The following SCML2 variants were observed in gnomAD, a reference collection of about 807,000 sequenced individuals.
SCML2 encodes Scm polycomb group protein like 2.
In SCML2, 6 loss-of-function variants were observed where a neutral mutation model predicts 48.4. That is an observed-to-expected ratio of 0.12 (90% CI 0.07 to 0.24). The LOEUF (loss-of-function observed/expected upper bound fraction) is 0.24, where lower values mean the gene tolerates loss of function less well. SCML2 is among the 10% of genes least tolerant of loss of function. The pLI is 1.00. For missense variants in SCML2, 377 were observed against 528.2 expected, an observed-to-expected ratio of 0.71 and a Z score of 2.81; for synonymous variants, 181 against 189.5, an observed-to-expected ratio of 0.95 and a Z score of 0.37.
At position 18,241,312 on chromosome X, in the gene SCML2, A is replaced by G; in HGVS notation, c.2042T>C (p.Leu681Pro). 1 of 1,201,571 alleles carries G rather than the reference A, an allele frequency of 8.3e-7. No individual in the cohort carries two copies. Among genetic ancestry groups the G allele is most frequent in the Non-Finnish European group, 1.1e-6 (1 of 888,639 alleles). ...GTAACACAGCTTTAATGCTGGCCCCAGCTTCAGCCCCATATACTTCATCAT... is the reference window on the plus strand; with the variant it reads ...GTAACACAGCTTTAATGCTGGCCCCGGCTTCAGCCCCATATACTTCATCAT... Reference protein sequence around the residue: ...DVMMKYMGLKLGPALKLCYYI... With the variant: ...DVMMKYMGLKPGPALKLCYYI... Residue 681 changes from leucine to proline, a missense_variant, in exon 15 of 15, where the codon CTG becomes CCG. Leu to Pro is a moderately conservative substitution (Grantham distance 98). Around this residue, in one of 3 missense-constraint regions of SCML2, gnomAD observed 299 missense variants for 425.5 expected, o/e 0.70. Coordinates refer to ENST00000251900, the MANE Select transcript of SCML2 (RefSeq NM_006089.3).
chrX:18,261,154 TGTTAAAGAAACA>T (rs1927049262), intron 8 of SCML2, among the ~76,000 whole-genome samples: 1 of 109,028 alleles, frequency 9.2e-6, no homozygotes, highest in Non-Finnish European at 1.9e-5. Context: ...TCTTTATCAA[TGTTAAAGAAACA>T]AAAAATGTGA....
chrX:18,261,550 T>C (rs1433153350), intron 8 of SCML2, among the ~76,000 whole-genome samples: 1 of 109,919 alleles, frequency 9.1e-6, no homozygotes, highest in Non-Finnish European at 1.9e-5. Context: ...ATACAAGTAT[T>C]ATGTATTCAT....
intron 1 of SCML2, chrX:18,341,443 C>T (rs1602150237): frequency 5.3e-6 from 1 of 187,346 alleles, no homozygotes; most frequent in Non-Finnish European, 1.0e-5. Context: ...CAAACTGTGA[C>T]GTGAACCTGG....
At chrX:18,313,010 CGTGT>C (rs72363939) in intron 6 of SCML2, among the ~76,000 whole-genome samples, 24,391 of 104,930 alleles carry the variant, frequency 0.23, 2,235 homozygotes, top group Middle Eastern at 0.32. Flanking sequence ...TGTGTGTGCG[CGTGT>C]GTGTGTGTAT....
intron 1 of SCML2, among the ~76,000 whole-genome samples, chrX:18,342,280 A>C (rs1305618430): frequency 1.8e-5 from 2 of 111,260 alleles, no homozygotes; most frequent in East Asian, 5.6e-4. Context: ...AAAGAGTAGA[A>C]GTTGCTTCAC....
intron 7 of SCML2, among the ~76,000 whole-genome samples, chrX:18,277,578 A>G (rs1927689132): frequency 8.9e-6 from 1 of 112,149 alleles, no homozygotes; most frequent in Admixed American, 9.5e-5. Context: ...TGTCTTACCC[A>G]AAAGCTTATG....
intron 1 of SCML2, among the ~76,000 whole-genome samples, chrX:18,343,407 A>T (rs934066051): frequency 2.7e-5 from 3 of 110,651 alleles, no homozygotes; most frequent in Admixed American, 9.7e-5. Flanking sequence ...ACTTTAGGCC[A>T]TTGGTCAGAT....
At chrX:18,299,490 C>A (rs894401448) in intron 7 of SCML2, among the ~76,000 whole-genome samples, 1 of 109,720 alleles carries the variant, frequency 9.1e-6, no homozygotes, top group Non-Finnish European at 1.9e-5. Context: ...TGCACTCCAG[C>A]CTGGGCAACT....
intron 11 of SCML2, among the ~76,000 whole-genome samples, chrX:18,252,071 C>T (rs1346487306): frequency 2.7e-5 from 3 of 111,744 alleles, no homozygotes; most frequent in African/African-American, 6.5e-5. Flanking sequence ...GTCAGGAATT[C>T]GAGACCAGCC....
intron 8 of SCML2, among the ~76,000 whole-genome samples, chrX:18,261,154 T>C (rs1195279504): frequency 9.2e-6 from 1 of 109,028 alleles, no homozygotes; most frequent in East Asian, 2.8e-4. Context: ...TCTTTATCAA[T>C]GTTAAAGAAA....
chrX:18,256,724 AT>A (rs1926857941), intron 11 of SCML2, 123 bp downstream of exon 11: 2 of 488,343 alleles, frequency 4.1e-6, no homozygotes, highest in Non-Finnish European at 6.5e-6. Flanking sequence ...AAACAACTAT[AT>A]GTTATACATT....
Position 18,304,968 on chromosome X carries a change from T to C in SCML2, c.730+4A>G. On this transcript the variant is annotated splice_donor_region_variant and intron_variant, in intron 7 of 14. Transcript: ENST00000251900. ...GAAGAAAAAGTAGTTAATTATTATC[T>C]TACCACTAGTTCCTGGGGGTTGTAA... The C allele has an allele frequency of 8.3e-7, 1 of 1,201,813 alleles. No individual in the cohort carries two copies.
chrX:18,265,770 A>G lies in SCML2; in HGVS notation c.763T>C (p.Ser255Pro). The G allele has an allele frequency of 8.3e-7, 1 of 1,208,673 alleles. No homozygotes were observed. The highest frequency in any genetic ancestry group is 1.1e-6 in the Non-Finnish European group (1 of 893,467). The change falls in exon 8 of 15, where the codon TCT (serine) becomes CCT (proline). Residue 255 changes from serine to proline, a missense_variant. Ser to Pro is a moderately conservative substitution (Grantham distance 74). This residue lies in a region of SCML2 where 299 missense variants were observed against 425.5 expected (regional missense o/e 0.70). Transcript: ENST00000251900. ...TGCTGGCTTGCTTCGGAAGGAGAAG[A>G]CTCTGTTTTTGCTATATTCTTTACA... ...PIVKNIAKTE[S>P]SPSEASQHSM...
At chrX:18,248,594 C>T (rs1006557849) in intron 11 of SCML2, among the ~76,000 whole-genome samples, 1 of 112,178 alleles carries the variant, frequency 8.9e-6, no homozygotes, top group Non-Finnish European at 1.9e-5. Context: ...GCATGCTTCT[C>T]AAAATCTTAT....
At chrX:18,247,711 A>G (rs1926499655) in intron 12 of SCML2, 58 bp downstream of exon 12, 3 of 901,212 alleles carry the variant, frequency 3.3e-6, no homozygotes, top group Admixed American at 4.7e-5. Flanking sequence ...AAGAGTATAC[A>G]TAAGTGGTAG....
At chrX:18,320,959 C>T (rs1401342600) in intron 5 of SCML2, among the ~76,000 whole-genome samples, 3 of 110,749 alleles carry the variant, frequency 2.7e-5, no homozygotes, top group African/African-American at 6.6e-5. Context: ...ATTTAGGGGA[C>T]GTGCACTGAT....
At chrX:18,297,391 G>C (rs977878751) in intron 7 of SCML2, among the ~76,000 whole-genome samples, 4 of 112,142 alleles carry the variant, frequency 3.6e-5, no homozygotes, top group Non-Finnish European at 7.5e-5. Flanking sequence ...AATTAGGCAA[G>C]AGAGATAAAA....
chrX:18,242,554 A>G lies in SCML2; in HGVS notation c.1859T>C (p.Leu620Pro). The stretch of plus-strand genomic sequence containing the variant: ...AGGGTCCTTAGAGAAGCCTTGTTTC[A>G]GGACACTGGGATCAGGTACAGCTAT... Reference protein sequence around the residue: ...SYIAVPDPSVLKQGFSKDPST... With the variant: ...SYIAVPDPSVPKQGFSKDPST... Residue 620 changes from leucine (L) to proline (P), a missense_variant, in exon 14 of 15, where the codon CTG becomes CCG. Physicochemically the swap from Leu to Pro is moderately conservative, Grantham distance 98. Transcript: ENST00000251900. The G allele has an allele frequency of 8.3e-7, 1 of 1,209,283 alleles. No homozygotes were observed.
At chrX:18,345,951 G>C (rs1231010092) in intron 1 of SCML2, among the ~76,000 whole-genome samples, 1 of 104,423 alleles carries the variant, frequency 9.6e-6, no homozygotes, top group Admixed American at 1.1e-4. Flanking sequence ...TTTTAGTAGA[G>C]ACGATGGCTC....
Sources: gnomAD v4.1 joint callset for allele counts (sites outside exome capture counted in the v4.1 genomes callset) on GRCh38, gnomAD v4.1.1 for gene constraint, gnomAD v4.1.1 regional missense constraint, MANE v1.5 for transcripts, NCBI Gene and HGNC (gene_info 2026-07-23, HGNC 2026-07-21) for gene names.